CPLX2: variants seen among roughly 807,000 people sequenced by gnomAD.
CPLX2 encodes the protein complexin-2.
In CPLX2, 5 loss-of-function variants were observed where a neutral mutation model predicts 16.3. The ratio of observed to expected loss-of-function variants is 0.31; its 90% CI spans 0.16 to 0.64. The LOEUF (loss-of-function observed/expected upper bound fraction) is 0.64, where lower values mean the gene tolerates loss of function less well. CPLX2 is among the 30% of genes least tolerant of loss of function. The probability of loss-of-function intolerance (pLI) is 0.79; values close to 1 mark genes in which losing one functional copy is unlikely to be tolerated. For synonymous variants in CPLX2, 89 were observed against 73.2 expected (o/e 1.22, Z -1.10); for missense variants, 144 against 181.4 (o/e 0.79, Z 1.18).
intron 2 of CPLX2, among the ~76,000 whole-genome samples, chr5:175,826,182 G>C (rs955705623): frequency 6.6e-6 from 1 of 152,006 alleles, no homozygotes; most frequent in African/African-American, 2.4e-5. Context: ...TGACTGAGTG[G>C]GTAGGATAGT....
chr5:175,807,817 G>A (rs1457926409), intron 1 of CPLX2, among the ~76,000 whole-genome samples: 1 of 152,204 alleles, frequency 6.6e-6, no homozygotes, highest in African/African-American at 2.4e-5. Flanking sequence ...AAGAGGGGAG[G>A]GAAGTGGGGG....
At chr5:175,835,211 C>T (rs753339596) in intron 2 of CPLX2, among the ~76,000 whole-genome samples, 2 of 152,114 alleles carry the variant, frequency 1.3e-5, no homozygotes, top group Non-Finnish European at 2.9e-5. Context: ...TTACAGTTAC[C>T]GGAGCCTGGA....
At chr5:175,823,928 A>T (rs1183308439) in intron 2 of CPLX2, among the ~76,000 whole-genome samples, 1 of 152,112 alleles carries the variant, frequency 6.6e-6, no homozygotes, top group East Asian at 1.9e-4. Context: ...GGAGGAGGAG[A>T]CTGAATAGGT....
Position 175,880,234 on chromosome 5 carries a change from C to G in CPLX2, c.*189C>G. 1.4e-6 allele frequency: 1 copy of G among 718,038 alleles called. No individual in the cohort carries two copies. Among genetic ancestry groups the G allele is most frequent in the Non-Finnish European group, 2.5e-6 (1 of 392,428 alleles). 44.5% of individuals were successfully genotyped at this position (718,038 alleles called of 1,614,324 possible). On this transcript the variant is annotated 3_prime_UTR_variant, in exon 4 of 4. Coordinates refer to ENST00000393745, the MANE Select transcript of CPLX2 (RefSeq NM_001008220.2). Reference sequence around the variant, plus strand: ...CCCTTCATCCCAGGGTATCCACCTGCACCCCACTCCCAAGTAGCTTGAAAA... The same window carrying G: ...CCCTTCATCCCAGGGTATCCACCTGGACCCCACTCCCAAGTAGCTTGAAAA...
chr5:175,829,804 C>T (rs896650643), intron 2 of CPLX2, among the ~76,000 whole-genome samples: 4 of 152,204 alleles, frequency 2.6e-5, no homozygotes, highest in African/African-American at 7.2e-5. Flanking sequence ...GCCAGAGATG[C>T]GGTCCTGACC....
chr5:175,813,704 G>A (rs1034451748), intron 2 of CPLX2, among the ~76,000 whole-genome samples: 9 of 152,238 alleles, frequency 5.9e-5, no homozygotes, highest in African/African-American at 2.2e-4. Context: ...ACAGACCATC[G>A]GGGATCCATG....
In CPLX2 at chr5:175,798,661, G is replaced by T. The variant is rs576478745; in HGVS notation, c.-169+1877G>T. ...GAGAGTGGAGAGAAAGGCTGGAGCC[G>T]GTCTCCAAAGAGCCTTTTATGGATG... On this transcript the variant is annotated intron_variant, in intron 1 of 4. Coordinates refer to the CPLX2 transcript ENST00000359546. 3.3e-5 allele frequency among the ~76,000 whole-genome samples: 5 copies of T among 152,196 alleles called. No individual in the cohort carries two copies. The South Asian group carries it at 1.0e-3, about 32-fold the overall frequency.
chr5:175,846,881 C>T (rs1480738313), intron 2 of CPLX2, among the ~76,000 whole-genome samples: 1 of 152,242 alleles, frequency 6.6e-6, no homozygotes, highest in South Asian at 2.1e-4. Context: ...CTCCATCCTG[C>T]AGGCCTAGCC....
At chr5:175,808,922 C>T (rs1363276743) in intron 1 of CPLX2, 1 of 152,312 alleles carries the variant, frequency 6.6e-6, no homozygotes, top group Non-Finnish European at 1.5e-5. Context: ...GGCTCCATGC[C>T]CATTCAGCAA....
At chr5:175,811,951 G>A (rs1230945287) in intron 2 of CPLX2, among the ~76,000 whole-genome samples, 1 of 152,214 alleles carries the variant, frequency 6.6e-6, no homozygotes. Flanking sequence ...CCACTTCAGT[G>A]GGAGGATGGC....
intron 2 of CPLX2, among the ~76,000 whole-genome samples, chr5:175,832,420 G>A (rs530447694): frequency 5.3e-5 from 8 of 152,220 alleles, no homozygotes; most frequent in Non-Finnish European, 7.3e-5. Flanking sequence ...AACCAGCTCC[G>A]TGTGATGAGT....
At chr5:175,813,168 T>C (rs1179884846) in intron 2 of CPLX2, among the ~76,000 whole-genome samples, 1 of 152,252 alleles carries the variant, frequency 6.6e-6, no homozygotes, top group African/African-American at 2.4e-5. Flanking sequence ...TTTATTATTT[T>C]AATAGCTCGC....
intron 1 of CPLX2, among the ~76,000 whole-genome samples, chr5:175,874,712 A>T (rs4867808): frequency 6.6e-6 from 1 of 151,824 alleles, no homozygotes; most frequent in Non-Finnish European, 1.5e-5. Flanking sequence ...GTGCAGGTGT[A>T]GGGGAGGGGA....
intron 2 of CPLX2, among the ~76,000 whole-genome samples, chr5:175,837,260 G>A (rs373771185): frequency 9.1e-4 from 138 of 152,290 alleles, no homozygotes; most frequent in African/African-American, 3.1e-3. Context: ...AACCCCACGG[G>A]GCGTCTCTGC....
chr5:175,878,436 C>T (rs1019282802), intron 1 of CPLX2: 16 of 518,662 alleles, frequency 3.1e-5, no homozygotes, highest in Non-Finnish European at 4.8e-5. Context: ...AAAATAGGGA[C>T]CAAACCGCTT....
intron 1 of CPLX2, among the ~76,000 whole-genome samples, chr5:175,797,719 G>T (rs929028503): frequency 2.0e-5 from 3 of 152,036 alleles, no homozygotes; most frequent in African/African-American, 7.2e-5. Context: ...CCCGGGTTCC[G>T]CCCCCACCTC....
rs148314591 is a variant in CPLX2, at chr5:175,856,746, T to C, written c.-88-21906T>C. 3.7e-3 allele frequency among the ~76,000 whole-genome samples: 569 copies of C among 151,956 alleles called. 3 individuals carry two copies. Among genetic ancestry groups the C allele is most frequent in the African/African-American group, 0.013 (544 of 41,458 alleles). ...CCAAGAGTGGGCTGATGAAAGGACGTGGCAAATGTGCAGGGCCTGCGCACA... is the reference window on the plus strand; with the variant it reads ...CCAAGAGTGGGCTGATGAAAGGACGCGGCAAATGTGCAGGGCCTGCGCACA... On this transcript the variant is annotated intron_variant, in intron 2 of 4. Coordinates refer to the CPLX2 transcript ENST00000359546.
At chr5:175,868,513 T>G (rs1759519309), upstream of CPLX2, among the ~76,000 whole-genome samples, 2 of 152,190 alleles carry the variant, frequency 1.3e-5, no homozygotes, top group African/African-American at 4.8e-5. Flanking sequence ...ATAAGTCACC[T>G]GAAGCAGAGC....
chr5:175,856,367 C>A (rs745761370), intron 2 of CPLX2, among the ~76,000 whole-genome samples: 4 of 152,204 alleles, frequency 2.6e-5, no homozygotes, highest in Non-Finnish European at 5.9e-5. Flanking sequence ...TACCCCTGCA[C>A]TTCTGATGAG....
Sources: gnomAD v4.1 joint callset for allele counts (sites outside exome capture counted in the v4.1 genomes callset) on GRCh38, gnomAD v4.1.1 for gene constraint, MANE v1.5 for transcripts, NCBI Gene and HGNC (gene_info 2026-07-23, HGNC 2026-07-21) for gene names.